Variants in CATSPER4 observed in about 807,000 individuals in gnomAD.
The protein encoded by CATSPER4 is cation channel sperm associated 4, also known as cation channel sperm-associated protein 4.
In CATSPER4, 46 loss-of-function variants were observed where a neutral mutation model predicts 54.4. The observed-to-expected ratio is 0.84, with a 90% confidence interval of 0.67 to 1.08. The LOEUF is 1.08. Among genes scored for constraint, CATSPER4 ranks in the 50% least tolerant of loss-of-function variants. CATSPER4 has a pLI of 0.00. For synonymous variants in CATSPER4, 230 were observed against 231.9 expected, an observed-to-expected ratio of 0.99 and a Z score of 0.08; for missense variants, 574 against 612.8, an observed-to-expected ratio of 0.94 and a Z score of 0.67.
intron 2 of CATSPER4, among the ~76,000 whole-genome samples, chr1:26,192,315 C>A (rs61776647): frequency 1.3e-5 from 2 of 151,732 alleles, no homozygotes; most frequent in African/African-American, 4.8e-5. Context: ...TTGAGCCAGG[C>A]GCAGTGGTTC....
chr1:26,195,496 TTTTCTTTTTC>T, intron 3 of CATSPER4, among the ~76,000 whole-genome samples: 1 of 55,628 alleles, frequency 1.8e-5, no homozygotes, highest in African/African-American at 6.3e-5. Context: ...TCTTTTTTCT[TTTTCTTTTTC>T]TTTTTTTTTT....
chr1:26,201,455 C>A lies in CATSPER4; in HGVS notation c.1301C>A (p.Ser434Tyr), dbSNP rs558959484. Residue 434 changes from serine (S) to tyrosine (Y), a missense_variant, in exon 9 of 10, where the codon TCC (serine) becomes TAC (tyrosine). By Grantham distance (144) the Ser-to-Tyr change is moderately radical. Coordinates refer to ENST00000456354, the MANE Select transcript of CATSPER4 (RefSeq NM_198137.2). ...AGCGGGTCGTTGGAGACTACGTCAT[C>A]CAAGGACATCCGCCAGATGTCTCAA... ...STSGSLETTSSKDIRQMSQQQ... is the reference protein window; with the variant it reads ...STSGSLETTSYKDIRQMSQQQ... 1.6e-4 allele frequency: 265 copies of A among 1,614,064 alleles called. 5 individuals carry two copies. The South Asian group carries it at 2.8e-3, about 17-fold the overall frequency.
intron 6 of CATSPER4, among the ~76,000 whole-genome samples, chr1:26,199,418 T>G (rs1569909403): frequency 3.1e-5 from 4 of 130,990 alleles, no homozygotes; most frequent in Non-Finnish European, 3.2e-5. Context: ...GGTGACAGAG[T>G]GAGACTCTGT....
intron 7 of CATSPER4, among the ~76,000 whole-genome samples, 157 bp from the exon 8 acceptor site, chr1:26,200,673 C>A (rs989120130): frequency 6.6e-6 from 1 of 151,776 alleles, no homozygotes; most frequent in African/African-American, 2.4e-5. Flanking sequence ...GTTGGGTTCC[C>A]CCAGCAAGGC....
At chr1:26,200,767 A>G in intron 7 of CATSPER4, 63 bp from the exon 8 acceptor site, 1 of 1,331,926 alleles carries the variant, frequency 7.5e-7, no homozygotes, top group Non-Finnish European at 1.1e-6. Context: ...CCAAGCAGGA[A>G]AAGGGTGCCG....
At position 26,200,907 on chromosome 1, in the gene CATSPER4, TCTC is replaced by T. The variant is rs1357413210; in HGVS notation, c.1070_1072del (p.Leu357del). The T allele has an allele frequency of 6.2e-7, 1 of 1,614,004 alleles. No individual in the cohort carries two copies. Among genetic ancestry groups the T allele is most frequent in the Non-Finnish European group, 8.5e-7 (1 of 1,179,982 alleles). On this transcript the variant is annotated inframe_deletion, in exon 8 of 10. Transcript: ENST00000456354. ...TGGTCGCCCGCTCGGAGAAATCTGG[TCTC>T]CTCCAGGAACCCCTTGCGGGAGGCC...
rs2089006433 is a variant in CATSPER4, at chr1:26,201,414, C to CAGGCA, written c.1264_1265insAAGGC (p.Arg422GlnfsTer125). 1 of 1,614,022 alleles carries CAGGCA rather than the reference C, an allele frequency of 6.2e-7. No individual in the cohort carries two copies. The highest frequency in any genetic ancestry group is 1.7e-5 in the Admixed American group (1 of 60,008). ...AGGAGCAGGAGTCAGAGGTGTTGAA[C>CAGGCA]AGGCGCTCGTCGACGAGCGGGTCGT... On this transcript the variant is annotated frameshift_variant, in exon 9 of 10. Coordinates refer to ENST00000456354, the MANE Select transcript of CATSPER4 (RefSeq NM_198137.2). LOFTEE classifies it high-confidence loss of function.
At position 26,198,385 on chromosome 1, in the gene CATSPER4, C is replaced by A; in HGVS notation, c.778C>A (p.Gln260Lys). ...ALYTLFICITQDGWVDIYSDF... is the reference protein window; with the variant it reads ...ALYTLFICITKDGWVDIYSDF... The stretch of plus-strand genomic sequence containing the variant: ...GTACACCCTCTTCATCTGCATCACC[C>A]AGGACGGCTGGGTGGACATCTACAG... The change falls in exon 6 of 10, where the codon CAG (glutamine) becomes AAG (lysine). Residue 260 changes from glutamine (Q) to lysine (K), a missense_variant. Physicochemically the swap from Gln to Lys is moderately conservative, Grantham distance 53 (BLOSUM62 1). Transcript: ENST00000456354. 1.2e-6 allele frequency: 2 copies of A among 1,614,178 alleles called. No homozygotes were observed. Among genetic ancestry groups the A allele is most frequent in the South Asian group, 1.1e-5 (1 of 91,078 alleles).
At position 26,201,432 on chromosome 1, in the gene CATSPER4, CGGGTCG is replaced by C; in HGVS notation, c.1279_1284del (p.Gly427_Ser428del). ...TGTTGAACAGGCGCTCGTCGACGAG[CGGGTCG>C]TTGGAGACTACGTCATCCAAGGACA... On this transcript the variant is annotated inframe_deletion, in exon 9 of 10. Transcript: ENST00000456354. 1 of 1,613,996 alleles carries C rather than the reference CGGGTCG, an allele frequency of 6.2e-7. No homozygotes were observed. The highest frequency in any genetic ancestry group is 8.5e-7 in the Non-Finnish European group (1 of 1,179,936).
rs372475621 is a variant in CATSPER4 at position 26,193,795 on chromosome 1, T to C, written c.366T>C (p.Tyr122=). 11 of 1,607,534 alleles carry C rather than the reference T, an allele frequency of 6.8e-6. No homozygotes were observed. The highest frequency in any genetic ancestry group is 9.4e-6 in the Non-Finnish European group (11 of 1,174,028). ...RTNSYLDQKH[Y]ELFSTIDDIV... ...CTCTGTCTCCCATGTAGAAACACTA[T>C]GAGTTGTTCTCTACCATAGATGACA... Residue 122 remains tyrosine (Y), a synonymous_variant, in exon 3 of 10, where the codon TAT becomes TAC. Transcript: ENST00000456354.
In CATSPER4 at chr1:26,202,713, G is replaced by A. The variant is rs75399806; in HGVS notation, c.*171G>A. ...GCACCTGCAGGTCTGGTGCCTGTGA[G>A]CCCCAGGTCCGGTGGAGCAAGGAGA... On this transcript the variant is annotated 3_prime_UTR_variant, in exon 10 of 10. Coordinates refer to ENST00000456354, the MANE Select transcript of CATSPER4 (RefSeq NM_198137.2). The A allele has an allele frequency of 1.1e-3, 749 of 669,348 alleles. 4 individuals are homozygous for A. The African/African-American group carries it at 0.013, about 11-fold the overall frequency. The allele number at this position is 669,348 out of a possible 1,614,324, so 41.5% of individuals were successfully genotyped here. A position where few individuals can be genotyped will look rare whatever the true frequency, so the allele number is the denominator to read the frequency against.
rs1208490685 is a variant in CATSPER4 at position 26,202,832 on chromosome 1, G to A, written c.*290G>A. On this transcript the variant is annotated 3_prime_UTR_variant, in exon 10 of 10. Transcript: ENST00000456354. ...CAACGCAGCCAGGATTTGACCTAAG[G>A]ATGGGGATCCCTGGCCCCCTGCTCT... The A allele has an allele frequency of 4.0e-6, 2 of 501,288 alleles. No homozygotes were observed. Among genetic ancestry groups the A allele is most frequent in the East Asian group, 7.0e-5 (2 of 28,524 alleles). The allele number at this position is 501,288 out of a possible 1,614,324, so 31.1% of individuals were successfully genotyped here.
In CATSPER4 at chr1:26,201,347, C is replaced by T; in HGVS notation, c.1200-7C>T. 7.4e-6 allele frequency: 12 copies of T among 1,613,658 alleles called. No individual in the cohort carries two copies. Among genetic ancestry groups the T allele is most frequent in the South Asian group, 2.2e-5 (2 of 91,054 alleles). On this transcript the variant is annotated splice_region_variant and splice_polypyrimidine_tract_variant and intron_variant, in intron 8 of 9. Coordinates refer to ENST00000456354, the MANE Select transcript of CATSPER4 (RefSeq NM_198137.2). The stretch of plus-strand genomic sequence containing the variant: ...CTTCTGAAAGGCACTCACTGCTCCA[C>T]CCCCAGGATTGTGGAGGAGGTGCGC...
At chr1:26,193,706 A>G (rs2088901618) in intron 2 of CATSPER4, 81 bp from the exon 3 acceptor site, 1 of 870,984 alleles carries the variant, frequency 1.1e-6, no homozygotes, top group East Asian at 2.4e-5. Context: ...CCTCCCCTAC[A>G]TACATCCTCT....
In CATSPER4 at chr1:26,199,948, A is replaced by G. The variant is rs17257155; in HGVS notation, c.877A>G (p.Ile293Val). 0.17 allele frequency: 281,841 copies of G among 1,613,760 alleles called. 25,898 individuals are homozygous for G. Among genetic ancestry groups the G allele is most frequent in the Middle Eastern group, 0.2 (1,204 of 6,056 alleles). Residue 293 changes from isoleucine (I) to valine (V), a missense_variant, in exon 7 of 10, where the codon ATC becomes GTC. Transcript: ENST00000456354. ...GAIYFTIFIT[I>V]GAFIGINLFV... ...CATCTACTTTACCATCTTCATCACC[A>G]TCGGTGCCTTCATTGGCATCAACCT...
At chr1:26,193,098 G>A (rs1449876188) in intron 2 of CATSPER4, among the ~76,000 whole-genome samples, 1 of 151,864 alleles carries the variant, frequency 6.6e-6, no homozygotes, top group African/African-American at 2.4e-5. Context: ...GAGACACGGT[G>A]ACTTGGGTGA....
intron 3 of CATSPER4, among the ~76,000 whole-genome samples, chr1:26,196,653 C>A (rs2088942268): frequency 6.6e-6 from 1 of 151,894 alleles, no homozygotes; most frequent in Non-Finnish European, 1.5e-5. Flanking sequence ...TCAAGCAATC[C>A]TCCCACCTCA....
intron 6 of CATSPER4, among the ~76,000 whole-genome samples, chr1:26,199,413 CAG>C (rs376277926): frequency 4.9e-5 from 7 of 143,712 alleles, no homozygotes; most frequent in African/African-American, 1.6e-4. Context: ...GCTTAGGTGA[CAG>C]AGTGAGACTC....
At chr1:26,193,250 G>T (rs2088892452) in intron 2 of CATSPER4, among the ~76,000 whole-genome samples, 1 of 152,056 alleles carries the variant, frequency 6.6e-6, no homozygotes, top group Non-Finnish European at 1.5e-5. Context: ...TCCATCCAGG[G>T]TGCATGTCCT....
Sources: allele counts gnomAD v4.1 joint callset (sites outside exome capture counted in the v4.1 genomes callset), GRCh38; gene constraint gnomAD v4.1.1; transcripts MANE v1.5; gene names NCBI Gene and HGNC (gene_info 2026-07-23, HGNC 2026-07-21).